Variants in EBF2 observed in about 807,000 individuals in gnomAD.
EBF2 encodes transcription factor COE2.
EBF2 carries 21 observed loss-of-function variants against 72.8 expected under a neutral mutation model. The ratio of observed to expected loss-of-function variants is 0.29; its 90% CI spans 0.20 to 0.42. EBF2 has a LOEUF of 0.42. Among genes scored for constraint, EBF2 ranks in the 10% least tolerant of loss-of-function variants. The pLI, the probability that EBF2 is intolerant of heterozygous loss-of-function variation, is 1.00. For synonymous variants in EBF2, 299 were observed against 274.2 expected (o/e 1.09, Z -0.89); for missense variants, 637 against 731.2 (o/e 0.87, Z 1.49).
At chr8:25,881,456 A>C (rs184365094) in intron 10 of EBF2, among the ~76,000 whole-genome samples, 2 of 152,298 alleles carry the variant, frequency 1.3e-5, no homozygotes, top group Non-Finnish European at 2.9e-5. Context: ...CAGCATCCTA[A>C]ACAACTCCTT....
At chr8:25,997,927 C>T (rs1331151164) in intron 6 of EBF2, among the ~76,000 whole-genome samples, 1 of 151,974 alleles carries the variant, frequency 6.6e-6, no homozygotes, top group East Asian at 1.9e-4. Context: ...ACACAGTAAT[C>T]ATAAATAAAA....
rs896377845 is a variant in EBF2 at position 25,842,002 on chromosome 8, T to G, written c.*2607A>C. ...GGTTTTTAAACCATGCATATTGAAA[T>G]GTGCAAAGAAAAACTGAGAAGAATT... On this transcript the variant is annotated 3_prime_UTR_variant, in exon 16 of 16. Coordinates refer to ENST00000520164, the MANE Select transcript of EBF2 (RefSeq NM_022659.4). The G allele has an allele frequency of 2.8e-4, 42 of 152,218 alleles. No homozygotes were observed. Among genetic ancestry groups the G allele is most frequent in the African/African-American group, 9.9e-4 (41 of 41,548 alleles). The allele number at this position is 152,218 out of a possible 1,614,324, so 9.4% of individuals were successfully genotyped here. A position where few individuals can be genotyped will look rare whatever the true frequency, so the allele number is the denominator to read the frequency against.
At chr8:25,860,487 CTTTT>C (rs57717365) in intron 13 of EBF2, among the ~76,000 whole-genome samples, 6 of 139,474 alleles carry the variant, frequency 4.3e-5, no homozygotes, top group Non-Finnish European at 6.3e-5. Flanking sequence ...ATACCCAATC[CTTTT>C]TTTTTTTTTT....
At chr8:26,000,764 C>G (rs1414310459) in intron 6 of EBF2, among the ~76,000 whole-genome samples, 1 of 152,160 alleles carries the variant, frequency 6.6e-6, no homozygotes, top group Admixed American at 6.5e-5. Flanking sequence ...AATAAATTTG[C>G]AAATTGTTCT....
intron 6 of EBF2, among the ~76,000 whole-genome samples, chr8:25,943,672 T>G (rs1803717083): frequency 6.6e-6 from 1 of 152,060 alleles, no homozygotes; most frequent in South Asian, 2.1e-4. Context: ...TCCCCATGGG[T>G]TAGGTAAAAC....
intron 6 of EBF2, among the ~76,000 whole-genome samples, chr8:25,965,581 G>C (rs975838265): frequency 1.3e-5 from 2 of 152,206 alleles, no homozygotes; most frequent in Non-Finnish European, 2.9e-5. Flanking sequence ...TCAACTTTCA[G>C]CAGGAGATGA....
At position 25,886,778 on chromosome 8, in the gene EBF2, G is replaced by C. The variant is rs375086316; in HGVS notation, c.986C>G (p.Ala329Gly). The C allele has an allele frequency of 6.2e-7, 1 of 1,610,266 alleles. No individual in the cohort carries two copies. Among genetic ancestry groups the C allele is most frequent in the African/African-American group, 1.3e-5 (1 of 74,820 alleles). ...ACCTGTGTAAATGAACCTTCCTGGG[G>C]CTCCTTTGCAGAACTGTTTAGATTT... Reference protein sequence around the residue: ...SYKSKQFCKGAPGRFIYTALN... With the variant: ...SYKSKQFCKGGPGRFIYTALN... The change falls in exon 10 of 16, where the codon GCC (alanine) becomes GGC (glycine). Residue 329 changes from alanine to glycine, a missense_variant. Ala to Gly is a moderately conservative substitution (Grantham distance 60, BLOSUM62 0). Around this residue, in one of 3 missense-constraint regions of EBF2, gnomAD observed 204 missense variants for 301.2 expected, o/e 0.68. Coordinates refer to ENST00000520164, the MANE Select transcript of EBF2 (RefSeq NM_022659.4).
chr8:25,852,426 G>A (rs555987012), intron 14 of EBF2, among the ~76,000 whole-genome samples: 34 of 152,236 alleles, frequency 2.2e-4, no homozygotes, highest in East Asian at 1.5e-3. Context: ...CCCAAATGGC[G>A]CCTTGGTTTC....
At position 25,842,917 on chromosome 8, in the gene EBF2, C is replaced by A. The variant is rs578166632; in HGVS notation, c.*1692G>T. ...AATGCTGAAATCCCAACCAAGAACC[C>A]CAAACTAAGTCTGTGTATAGACTCT... On this transcript the variant is annotated 3_prime_UTR_variant, in exon 16 of 16. Coordinates refer to ENST00000520164, the MANE Select transcript of EBF2 (RefSeq NM_022659.4). The A allele has an allele frequency of 1.2e-4, 19 of 152,272 alleles. No individual in the cohort carries two copies. The highest frequency in any genetic ancestry group is 4.1e-4 in the African/African-American group (17 of 41,546). 9.4% of individuals were successfully genotyped at this position (152,272 alleles called of 1,614,324 possible). A position where few individuals can be genotyped will look rare whatever the true frequency, so the allele number is the denominator to read the frequency against.
chr8:25,925,658 A>G (rs570873818), intron 6 of EBF2, among the ~76,000 whole-genome samples: 1 of 151,090 alleles, frequency 6.6e-6, no homozygotes, highest in South Asian at 2.1e-4. Flanking sequence ...ACACAGAATC[A>G]CTCTTTGGGG....
At chr8:25,878,909 C>G (rs972853208) in intron 10 of EBF2, among the ~76,000 whole-genome samples, 4 of 152,158 alleles carry the variant, frequency 2.6e-5, no homozygotes, top group African/African-American at 9.6e-5. Flanking sequence ...GCTGGAAATA[C>G]TTTGTACCTG....
chr8:26,015,001 G>T (rs1805085205), intron 6 of EBF2, among the ~76,000 whole-genome samples: 1 of 152,090 alleles, frequency 6.6e-6, no homozygotes, highest in Non-Finnish European at 1.5e-5. Flanking sequence ...CAAATGTCAG[G>T]GTAAGATGCA....
At chr8:25,965,311 T>A (rs550239380) in intron 6 of EBF2, among the ~76,000 whole-genome samples, 9 of 152,216 alleles carry the variant, frequency 5.9e-5, no homozygotes, top group Non-Finnish European at 1.0e-4. Flanking sequence ...TTGTGTAACA[T>A]ATTTTGTTAA....
At chr8:26,032,280 C>T (rs1455138021) in intron 6 of EBF2, 3 of 152,228 alleles carry the variant, frequency 2.0e-5, no homozygotes, top group South Asian at 4.1e-4. Flanking sequence ...ACTGAGAATT[C>T]GTTGGAATAT....
At chr8:25,954,105 G>A (rs940656887) in intron 6 of EBF2, among the ~76,000 whole-genome samples, 2 of 152,188 alleles carry the variant, frequency 1.3e-5, no homozygotes, top group Non-Finnish European at 2.9e-5. Context: ...TATCATGCTA[G>A]CAACATAATT....
chr8:26,039,912 G>T, intron 5 of EBF2, 116 bp downstream of exon 5: 1 of 1,044,836 alleles, frequency 9.6e-7, no homozygotes, highest in Non-Finnish European at 1.5e-6. Context: ...TGCCCGCGAG[G>T]CCTCCCAGCT....
At chr8:25,937,078 G>A (rs1260498841) in intron 6 of EBF2, among the ~76,000 whole-genome samples, 2 of 152,212 alleles carry the variant, frequency 1.3e-5, no homozygotes, top group Non-Finnish European at 2.9e-5. Flanking sequence ...ACAATGAGAT[G>A]TAAGAGAACA....
intron 6 of EBF2, among the ~76,000 whole-genome samples, chr8:25,915,608 G>GAA (rs34778900): frequency 0.046 from 5,974 of 130,826 alleles, 173 homozygotes; most frequent in South Asian, 0.088. Context: ...CAGCCTTTTG[G>GAA]AAAAAAAAAA....
intron 6 of EBF2, among the ~76,000 whole-genome samples, chr8:25,913,585 AG>A (rs1277586451): frequency 6.6e-6 from 1 of 152,226 alleles, no homozygotes; most frequent in East Asian, 1.9e-4. Context: ...CCCTTAAAAA[AG>A]AATCTAATTC....
Sources: gnomAD v4.1 joint callset for allele counts (sites outside exome capture counted in the v4.1 genomes callset) on GRCh38, gnomAD v4.1.1 for gene constraint, gnomAD v4.1.1 regional missense constraint, MANE v1.5 for transcripts, NCBI Gene and HGNC (gene_info 2026-07-23, HGNC 2026-07-21) for gene names.